The following KLHL20 variants were observed in gnomAD, a reference collection of about 807,000 sequenced individuals.
The protein encoded by KLHL20 is kelch-like protein 20.
KLHL20 carries 29 observed loss-of-function variants against 69.5 expected under a neutral mutation model. That is an observed-to-expected ratio of 0.42 (90% CI 0.31 to 0.57). The LOEUF (loss-of-function observed/expected upper bound fraction) is 0.57, where lower values mean the gene tolerates loss of function less well. KLHL20 is among the 20% of genes least tolerant of loss of function. The pLI is 0.18. For missense variants in KLHL20, 419 were observed against 776.0 expected, an observed-to-expected ratio of 0.54 and a Z score of 5.47; for synonymous variants, 253 against 265.2, an observed-to-expected ratio of 0.95 and a Z score of 0.45.
At chr1:173,744,395 A>G (rs140475987) in intron 3 of KLHL20, among the ~76,000 whole-genome samples, 2 of 152,040 alleles carry the variant, frequency 1.3e-5, no homozygotes. Context: ...TTAGCCTTTT[A>G]TCCATGATAC....
intron 2 of KLHL20, among the ~76,000 whole-genome samples, chr1:173,720,525 C>T (rs1283461672): frequency 3.3e-5 from 5 of 152,130 alleles, no homozygotes; most frequent in Non-Finnish European, 7.3e-5. Flanking sequence ...TTATTATATA[C>T]ATCGTTTGTT....
intron 8 of KLHL20, among the ~76,000 whole-genome samples, chr1:173,768,641 A>G (rs1647883970): frequency 6.6e-6 from 1 of 152,254 alleles, no homozygotes. Flanking sequence ...TAGCAAAGCT[A>G]AAAACCTATG....
rs760065273 is a variant in KLHL20, at chr1:173,753,255, C to T, written c.799C>T (p.Leu267=). 39 of 1,613,936 alleles carry T rather than the reference C, an allele frequency of 2.4e-5. No homozygotes were observed. The highest frequency in any genetic ancestry group is 3.3e-5 in the Non-Finnish European group (39 of 1,179,990). ...VRLPLLSPKF[L]VGTVGSDPLI... is the part of the protein sequence containing the mutation. ...TTTGCCTTTGCTTAGTCCCAAGTTCCTGGTCGGCACAGTAGGCTCTGATCC... is the reference window on the plus strand; with the variant it reads ...TTTGCCTTTGCTTAGTCCCAAGTTCTTGGTCGGCACAGTAGGCTCTGATCC... The change falls in exon 5 of 12, where the codon CTG becomes TTG. Residue 267 remains leucine (L), a synonymous_variant. Transcript: ENST00000209884.
chr1:173,719,753 T>C (rs927369810), intron 2 of KLHL20, among the ~76,000 whole-genome samples: 3 of 135,624 alleles, frequency 2.2e-5, no homozygotes, highest in African/African-American at 7.7e-5. Flanking sequence ...AATATGTTTG[T>C]TTCCCAAGAT....
chr1:173,770,554 G>C (rs1225069706), intron 8 of KLHL20, among the ~76,000 whole-genome samples: 1 of 151,706 alleles, frequency 6.6e-6, no homozygotes, highest in African/African-American at 2.4e-5. Context: ...AAAATTAGCC[G>C]GATGTGGTGG....
intron 2 of KLHL20, among the ~76,000 whole-genome samples, chr1:173,727,676 G>C (rs764627725): frequency 6.6e-6 from 1 of 151,940 alleles, no homozygotes; most frequent in Admixed American, 6.6e-5. Flanking sequence ...GGAGAAATAA[G>C]ATCCTTTACA....
At position 173,733,148 on chromosome 1, in the gene KLHL20, C is replaced by T. The variant is rs1057287267; in HGVS notation, c.24-565C>T. On this transcript the variant is annotated intron_variant, in intron 2 of 11. Transcript: ENST00000209884. The stretch of plus-strand genomic sequence containing the variant: ...GATTCTCATGCTTCAGCCACCCAAG[C>T]AGCTGGGATTACAGGCATGTGCCAC... Among the ~76,000 whole-genome samples the T allele has an allele frequency of 9.9e-5, 15 of 151,118 alleles. No individual in the cohort carries two copies. In the Admixed American group the frequency reaches 9.9e-4, roughly 10 times the overall value.
intron 8 of KLHL20, among the ~76,000 whole-genome samples, chr1:173,767,758 T>G (rs373700191): frequency 3.3e-4 from 51 of 152,308 alleles, no homozygotes; most frequent in African/African-American, 1.1e-3. Flanking sequence ...GTTGAATTGT[T>G]TAAGTTCCTT....
intron 3 of KLHL20, among the ~76,000 whole-genome samples, chr1:173,747,213 C>A (rs920643870): frequency 6.6e-6 from 1 of 151,890 alleles, no homozygotes; most frequent in African/African-American, 2.4e-5. Context: ...ATAAGATATA[C>A]CTTATTGATT....
chr1:173,737,436 A>G (rs566261617), intron 3 of KLHL20, among the ~76,000 whole-genome samples: 42 of 152,346 alleles, frequency 2.8e-4, no homozygotes, highest in Non-Finnish European at 5.3e-4. Flanking sequence ...ATTCTTCTAC[A>G]TGTGGCTTGC....
intron 2 of KLHL20, among the ~76,000 whole-genome samples, chr1:173,732,840 G>A (rs1316739003): frequency 6.6e-6 from 1 of 152,010 alleles, no homozygotes; most frequent in African/African-American, 2.4e-5. Context: ...TTTAAATGAA[G>A]CTTATCATAT....
intron 2 of KLHL20, among the ~76,000 whole-genome samples, chr1:173,727,554 G>C (rs529207437): frequency 6.6e-6 from 1 of 152,110 alleles, no homozygotes; most frequent in Admixed American, 6.5e-5. Flanking sequence ...CTGATCTCTC[G>C]GCAGAAACTC....
chr1:173,777,324 T>C (rs1648535540), intron 10 of KLHL20, among the ~76,000 whole-genome samples: 1 of 152,110 alleles, frequency 6.6e-6, no homozygotes, highest in African/African-American at 2.4e-5. Flanking sequence ...AGTCTTTAGG[T>C]TTTTCCAAAT....
chr1:173,759,279 G>T (rs1283130876), intron 7 of KLHL20, among the ~76,000 whole-genome samples: 1 of 152,078 alleles, frequency 6.6e-6, no homozygotes, highest in South Asian at 2.1e-4. Flanking sequence ...GCCCCCACCT[G>T]ATGGTCCTTC....
In KLHL20 at chr1:173,745,170, C is replaced by CTT. The variant is rs796578983; in HGVS notation, c.598-6576_598-6575dup. ...TCTAACTTTTATACATTTCTTTTTTCTTTTTTTTTTTTTTTTTTTGAGACG... is the reference window on the plus strand; with the variant it reads ...TCTAACTTTTATACATTTCTTTTTTCTTTTTTTTTTTTTTTTTTTTTGAGACG... On this transcript the variant is annotated intron_variant, in intron 3 of 11. Coordinates refer to ENST00000209884, the MANE Select transcript of KLHL20 (RefSeq NM_014458.4). Among the ~76,000 whole-genome samples the CTT allele has an allele frequency of 9.5e-3, 1,094 of 115,508 alleles. 34 individuals carry two copies. The highest frequency in any genetic ancestry group is 0.014 in the Non-Finnish European group (809 of 56,370). 75.8% of individuals were successfully genotyped at this position (115,508 alleles called of 152,430 possible). A position where few individuals can be genotyped will look rare whatever the true frequency, so the allele number is the denominator to read the frequency against.
intron 11 of KLHL20, among the ~76,000 whole-genome samples, chr1:173,784,093 C>G (rs1649055201): frequency 6.6e-6 from 1 of 152,038 alleles, no homozygotes; most frequent in Non-Finnish European, 1.5e-5. Context: ...CAAAACAAAA[C>G]AACAAAAAAG....
rs941743452 is a variant in KLHL20 at position 173,758,268 on chromosome 1, C to CA, written c.1151+1120dup. ...TCTGGGTGACAGAGCAAGACTCTCT[C>CA]AAAAAAAAAAAGAAAAAGAAAACAA... On this transcript the variant is annotated intron_variant, in intron 7 of 11. Coordinates refer to ENST00000209884, the MANE Select transcript of KLHL20 (RefSeq NM_014458.4). 1.9e-3 allele frequency among the ~76,000 whole-genome samples: 257 copies of CA among 136,148 alleles called. 1 individual carries two copies. Among genetic ancestry groups the CA allele is most frequent in the African/African-American group, 5.1e-3 (188 of 36,874 alleles). 89.3% of individuals were successfully genotyped at this position (136,148 alleles called of 152,430 possible). A position where few individuals can be genotyped will look rare whatever the true frequency, so the allele number is the denominator to read the frequency against.
chr1:173,773,937 C>G (rs184267840), intron 8 of KLHL20, among the ~76,000 whole-genome samples: 1 of 150,866 alleles, frequency 6.6e-6, no homozygotes, highest in East Asian at 2.0e-4. Context: ...GGCGTGAACC[C>G]AGGAGGCGGA....
At chr1:173,756,073 A>G in intron 6 of KLHL20, 35 bp downstream of exon 6, 5 of 1,427,632 alleles carry the variant, frequency 3.5e-6, no homozygotes, top group Non-Finnish European at 3.9e-6. Context: ...TAAATTGAGT[A>G]TTTTCCCAGG....
Sources: gnomAD v4.1 joint callset for allele counts (sites outside exome capture counted in the v4.1 genomes callset) on GRCh38, gnomAD v4.1.1 for gene constraint, MANE v1.5 for transcripts, NCBI Gene and HGNC (gene_info 2026-07-23, HGNC 2026-07-21) for gene names.